The following LRFN5 variants were observed in gnomAD, a reference collection of about 807,000 sequenced individuals.
The protein encoded by LRFN5 is leucine rich repeat and fibronectin type III domain containing 5.
A neutral mutation model predicts 45.6 loss-of-function variants in LRFN5; 24 were observed. The observed-to-expected ratio is 0.53, with a 90% CI of 0.38 to 0.74. LRFN5 has a LOEUF of 0.74. LRFN5 is among the 30% of genes least tolerant of loss of function. LRFN5 has a pLI of 0.00. For synonymous variants in LRFN5, 340 were observed against 313.8 expected, an observed-to-expected ratio of 1.08 and a Z score of -0.88; for missense variants, 776 against 861.5, an observed-to-expected ratio of 0.90 and a Z score of 1.24.
intron 2 of LRFN5, among the ~76,000 whole-genome samples, chr14:41,798,204 C>T (rs1047404685): frequency 6.6e-6 from 1 of 151,848 alleles, no homozygotes; most frequent in African/African-American, 2.4e-5. Context: ...TTTATTGTAG[C>T]CATCTTCAGA....
At chr14:41,751,917 C>T (rs7147822) in intron 1 of LRFN5, among the ~76,000 whole-genome samples, 106,220 of 151,876 alleles carry the variant, frequency 0.7, 37,506 homozygotes, top group East Asian at 0.95. Flanking sequence ...CTCCCCTCTC[C>T]CGCCAACCCA....
chr14:41,800,529 A>C (rs936010103), intron 2 of LRFN5, among the ~76,000 whole-genome samples: 1 of 151,742 alleles, frequency 6.6e-6, no homozygotes, highest in African/African-American at 2.4e-5. Flanking sequence ...AACAAATTTT[A>C]TGTAACAAGT....
chr14:41,899,275 ATAT>A (rs1891034723), intron 5 of LRFN5, among the ~76,000 whole-genome samples: 1 of 152,096 alleles, frequency 6.6e-6, no homozygotes, highest in African/African-American at 2.4e-5. Context: ...ATTTTTACAA[ATAT>A]TTCCAAATGT....
At chr14:41,719,052 T>A (rs1264419029) in intron 1 of LRFN5, among the ~76,000 whole-genome samples, 1 of 151,982 alleles carries the variant, frequency 6.6e-6, no homozygotes, top group Non-Finnish European at 1.5e-5. Flanking sequence ...AAAAGAAAAA[T>A]CTGGGGTAAT....
intron 1 of LRFN5, among the ~76,000 whole-genome samples, chr14:41,756,353 C>T (rs1256130664): frequency 6.6e-6 from 1 of 152,214 alleles, no homozygotes; most frequent in Non-Finnish European, 1.5e-5. Context: ...TAATATCCTG[C>T]AGAGGTTTTC....
chr14:41,815,116 G>C (rs1476147577), intron 2 of LRFN5, among the ~76,000 whole-genome samples: 1 of 152,104 alleles, frequency 6.6e-6, no homozygotes, highest in Non-Finnish European at 1.5e-5. Flanking sequence ...TTCTGGATCT[G>C]TTTATTTCTG....
At chr14:41,692,146 A>C (rs1882404466) in intron 1 of LRFN5, among the ~76,000 whole-genome samples, 1 of 152,064 alleles carries the variant, frequency 6.6e-6, no homozygotes, top group African/African-American at 2.4e-5. Context: ...TTTGTAAGAA[A>C]CTGGTAATCA....
At chr14:41,787,729 T>C (rs1886777686) in intron 2 of LRFN5, among the ~76,000 whole-genome samples, 2 of 152,182 alleles carry the variant, frequency 1.3e-5, no homozygotes, top group South Asian at 4.1e-4. Context: ...TTCCTATTGC[T>C]ATTTGTATTT....
intron 1 of LRFN5, among the ~76,000 whole-genome samples, chr14:41,719,037 A>C (rs1883606790): frequency 6.6e-6 from 1 of 152,172 alleles, no homozygotes; most frequent in Non-Finnish European, 1.5e-5. Flanking sequence ...ATTACAGAGT[A>C]CCAGAAAAGA....
At chr14:41,680,869 T>TA (rs1032700355) in intron 1 of LRFN5, among the ~76,000 whole-genome samples, 2 of 151,410 alleles carry the variant, frequency 1.3e-5, no homozygotes, top group African/African-American at 2.4e-5. Context: ...AAATTTAAGT[T>TA]AAAAAAAAGA....
intron 4 of LRFN5, chr14:41,894,800 G>T (rs919778953): frequency 1.0e-6 from 1 of 981,398 alleles, no homozygotes; most frequent in Non-Finnish European, 1.2e-6. Flanking sequence ...GTACAATACA[G>T]ATTTGTTATC....
chr14:41,704,814 G>A (rs57225546), intron 1 of LRFN5, among the ~76,000 whole-genome samples: 3,681 of 152,040 alleles, frequency 0.024, 41 homozygotes, highest in Middle Eastern at 0.038. Flanking sequence ...GATATTTTGG[G>A]AGAGGAAATA....
chr14:41,825,251 C>T (rs145660622), intron 2 of LRFN5, among the ~76,000 whole-genome samples: 4 of 152,260 alleles, frequency 2.6e-5, no homozygotes, highest in South Asian at 2.1e-4. Flanking sequence ...GACGCTTTTG[C>T]GCCAAGCCCC....
At position 41,757,108 on chromosome 14, in the gene LRFN5, T is replaced by C. The variant is rs184082546; in HGVS notation, c.-196-9746T>C. Among the ~76,000 whole-genome samples the C allele has an allele frequency of 5.8e-4, 89 of 152,294 alleles. 3 individuals are homozygous for C. The East Asian group carries it at 0.011, about 20-fold the overall frequency. On this transcript the variant is annotated intron_variant, in intron 1 of 5. Transcript: ENST00000298119. ...ACAGCAAATGTTGCTGCCTGATCGT[T>C]CCTCTGGAAGTTTTGTCTCAGAGGA... is the stretch of plus-strand genomic sequence containing the variant.
chr14:41,827,728 T>C (rs185713362), intron 2 of LRFN5, among the ~76,000 whole-genome samples: 1 of 152,144 alleles, frequency 6.6e-6, no homozygotes, highest in East Asian at 1.9e-4. Context: ...ACTATATCTT[T>C]CCAAACTTAA....
intron 2 of LRFN5, among the ~76,000 whole-genome samples, chr14:41,854,577 A>G (rs2139082696): frequency 6.6e-6 from 1 of 152,340 alleles, no homozygotes; most frequent in South Asian, 2.1e-4. Flanking sequence ...AACAGAATTA[A>G]CACTGAAGCT....
intron 1 of LRFN5, among the ~76,000 whole-genome samples, chr14:41,619,607 A>G (rs1888047527): frequency 1.3e-5 from 2 of 152,072 alleles, no homozygotes; most frequent in African/African-American, 4.8e-5. Context: ...AATGTAAGAT[A>G]GGTAATGTGT....
chr14:41,806,567 T>C (rs757555850), intron 2 of LRFN5, among the ~76,000 whole-genome samples: 21 of 152,308 alleles, frequency 1.4e-4, no homozygotes, highest in Non-Finnish European at 2.1e-4. Context: ...TGAGTACTTC[T>C]AAATAATAAA....
At chr14:41,677,029 C>G (rs898665567) in intron 1 of LRFN5, among the ~76,000 whole-genome samples, 2 of 152,090 alleles carry the variant, frequency 1.3e-5, no homozygotes, top group Non-Finnish European at 2.9e-5. Context: ...AAAAATATAA[C>G]TGGTAATTAA....
Sources: gnomAD v4.1 joint callset for allele counts (sites outside exome capture counted in the v4.1 genomes callset) on GRCh38, gnomAD v4.1.1 for gene constraint, MANE v1.5 for transcripts, NCBI Gene and HGNC (gene_info 2026-07-23, HGNC 2026-07-21) for gene names.